The following ANKRD17 variants were observed in gnomAD, a reference collection of about 807,000 sequenced individuals.
ANKRD17 encodes ankyrin repeat domain 17.
A neutral mutation model predicts 229.7 loss-of-function variants in ANKRD17; 19 were observed. That is an observed-to-expected ratio of 0.08 (90% confidence interval 0.06 to 0.12). The LOEUF is 0.12. Among genes scored for constraint, ANKRD17 ranks in the 10% least tolerant of loss-of-function variants. ANKRD17 has a pLI of 1.00. For synonymous variants in ANKRD17, 1,112 were observed against 1,146.1 expected, an observed-to-expected ratio of 0.97 and a Z score of 0.60; for missense variants, 2,176 against 3,176.8, an observed-to-expected ratio of 0.68 and a Z score of 7.57.
chr4:73,091,095 A>T lies in ANKRD17; in HGVS notation c.6533T>A (p.Ile2178Asn). ...AGTTGTGCCATGAGGGGGTGGTCTA[A>T]TAGCAGGGGTTTCCATTTTAGGAGT... Reference protein sequence around the residue: ...QPTPKMETPAIRPPPHGTTAP... With the variant: ...QPTPKMETPANRPPPHGTTAP... The change falls in exon 29 of 34, where the codon ATT becomes AAT. Residue 2178 changes from isoleucine to asparagine, a missense_variant. Ile to Asn is a moderately radical substitution (Grantham distance 149). Around this residue, in one of 18 missense-constraint regions of ANKRD17, gnomAD observed 424 missense variants for 454.0 expected, o/e 0.93. Transcript: ENST00000358602. The T allele has an allele frequency of 6.2e-7, 1 of 1,614,212 alleles. No homozygotes were observed. Among genetic ancestry groups the T allele is most frequent in the Non-Finnish European group, 8.5e-7 (1 of 1,180,042 alleles).
intron 14 of ANKRD17, 82 bp downstream of exon 14, chr4:73,141,655 CTTTG>C (rs1467610474): frequency 4.6e-6 from 6 of 1,310,974 alleles, no homozygotes; most frequent in Middle Eastern, 1.8e-4. Context: ...TAGTAAACTT[CTTTG>C]TTTGTAGAAA....
intron 1 of ANKRD17, among the ~76,000 whole-genome samples, chr4:73,226,401 T>G (rs1466235475): frequency 7.1e-6 from 1 of 140,058 alleles, no homozygotes; most frequent in Non-Finnish European, 1.6e-5. Context: ...TTTTTTTTTT[T>G]TTTTTTTTTT....
At chr4:73,212,919 C>T (rs1324614674) in intron 1 of ANKRD17, among the ~76,000 whole-genome samples, 2 of 149,746 alleles carry the variant, frequency 1.3e-5, no homozygotes, top group African/African-American at 2.5e-5. Context: ...TCCAGCTACT[C>T]GGGAGGCGGA....
intron 7 of ANKRD17, 61 bp from the exon 8 acceptor site, chr4:73,149,111 G>C: frequency 2.2e-6 from 3 of 1,387,122 alleles, no homozygotes; most frequent in Non-Finnish European, 3.0e-6. Flanking sequence ...TGAAAAATTT[G>C]AAGACTTCTC....
chr4:73,148,552 C>T (rs1319090559), intron 8 of ANKRD17, among the ~76,000 whole-genome samples: 1 of 152,158 alleles, frequency 6.6e-6, no homozygotes. Context: ...CTATTTAACT[C>T]ACAAGCCTTG....
chr4:73,253,570 G>A (rs911578215), intron 1 of ANKRD17, among the ~76,000 whole-genome samples: 8 of 152,050 alleles, frequency 5.3e-5, no homozygotes, highest in Non-Finnish European at 7.4e-5. Context: ...TTAAAAACTC[G>A]GCCAAGGTCA....
chr4:73,257,893 T>C (rs1397743169), intron 1 of ANKRD17, among the ~76,000 whole-genome samples: 1 of 152,034 alleles, frequency 6.6e-6, no homozygotes, highest in Non-Finnish European at 1.5e-5. Flanking sequence ...ACCCATTATT[T>C]TACTCCTCCC....
chr4:73,151,988 C>G (rs1311457152), intron 6 of ANKRD17, among the ~76,000 whole-genome samples: 3 of 151,998 alleles, frequency 2.0e-5, no homozygotes, highest in African/African-American at 7.2e-5. Context: ...AAACTGGGAA[C>G]TGTATGTATA....
In ANKRD17 at chr4:73,091,298, T is replaced by G; in HGVS notation, c.6330A>C (p.Gln2110His). The G allele has an allele frequency of 6.2e-7, 1 of 1,613,898 alleles. No individual in the cohort carries two copies. The highest frequency in any genetic ancestry group is 1.1e-5 in the South Asian group (1 of 91,056). The change falls in exon 29 of 34, where the codon CAA (glutamine) becomes CAC (histidine). Residue 2110 changes from glutamine to histidine, a missense_variant. Coordinates refer to ENST00000358602, the MANE Select transcript of ANKRD17 (RefSeq NM_032217.5). ...GSSSAHSNQQ[Q>H]PPGSVSQEPR... Reference sequence around the variant, plus strand: ...GTTCCTGAGAAACAGATCCCGGAGGTTGTTGCTGATTAGAATGAGCTGATG... The same window carrying G: ...GTTCCTGAGAAACAGATCCCGGAGGGTGTTGCTGATTAGAATGAGCTGATG...
chr4:73,163,751 T>C (rs1447326500), intron 2 of ANKRD17, among the ~76,000 whole-genome samples: 2 of 152,228 alleles, frequency 1.3e-5, no homozygotes, highest in African/African-American at 4.8e-5. Context: ...CAATTAGGTT[T>C]CATACAGGTG....
chr4:73,181,005 C>T (rs553988848), intron 1 of ANKRD17, among the ~76,000 whole-genome samples: 1 of 152,236 alleles, frequency 6.6e-6, no homozygotes, highest in Admixed American at 6.5e-5. Context: ...AGGATTCAAG[C>T]AACTATTGAA....
intron 1 of ANKRD17, among the ~76,000 whole-genome samples, chr4:73,235,426 C>T (rs1202048040): frequency 6.6e-6 from 1 of 152,178 alleles, no homozygotes; most frequent in African/African-American, 2.4e-5. Flanking sequence ...TACCTCTCTC[C>T]CCACATACAC....
chr4:73,172,670 C>G (rs1713956404), intron 2 of ANKRD17, among the ~76,000 whole-genome samples: 1 of 151,948 alleles, frequency 6.6e-6, no homozygotes, highest in African/African-American at 2.4e-5. Flanking sequence ...AGCAGACAAA[C>G]TTAAGGTGTC....
At position 73,161,198 on chromosome 4, in the gene ANKRD17, G is replaced by C. The variant is rs1263570054; in HGVS notation, c.698C>G (p.Ser233Trp). The change falls in exon 3 of 34, where the codon TCG (serine) becomes TGG (tryptophan). Residue 233 changes from serine to tryptophan, a missense_variant. By Grantham distance (177) the Ser-to-Trp change is radical. This residue lies in a region of ANKRD17 where 184 missense variants were observed against 357.8 expected (regional missense o/e 0.51). Transcript: ENST00000358602. ...RAESTANAGQSDNRSLAEACS... is the reference protein window; with the variant it reads ...RAESTANAGQWDNRSLAEACS... The stretch of plus-strand genomic sequence containing the variant: ...GCAGCAAAAATGTACTTACTTGTCC[G>C]ACTGCCCTGCATTTGCTGTGCTTTC... 6.2e-6 allele frequency: 10 copies of C among 1,612,548 alleles called. No homozygotes were observed. Among genetic ancestry groups the C allele is most frequent in the Non-Finnish European group, 8.5e-6 (10 of 1,179,616 alleles).
At chr4:73,170,249 G>A (rs1291772880) in intron 2 of ANKRD17, among the ~76,000 whole-genome samples, 1 of 151,952 alleles carries the variant, frequency 6.6e-6, no homozygotes, top group African/African-American at 2.4e-5. Flanking sequence ...CAGTAGGATA[G>A]GGCACCAGTC....
At chr4:73,143,729 T>A (rs545552080) in intron 11 of ANKRD17, among the ~76,000 whole-genome samples, 15 of 152,286 alleles carry the variant, frequency 9.8e-5, no homozygotes, top group African/African-American at 3.1e-4. Flanking sequence ...CTTTTAAAAT[T>A]GTATATGGCC....
intron 30 of ANKRD17, among the ~76,000 whole-genome samples, chr4:73,081,541 GA>G (rs1375200329): frequency 2.0e-5 from 3 of 151,934 alleles, no homozygotes; most frequent in Non-Finnish European, 2.9e-5. Flanking sequence ...ACTTCAATTA[GA>G]AAAAAAGCAA....
intron 1 of ANKRD17, among the ~76,000 whole-genome samples, chr4:73,210,736 G>A (rs564294857): frequency 6.6e-6 from 1 of 151,688 alleles, no homozygotes; most frequent in African/African-American, 2.4e-5. Context: ...TCTACTACCT[G>A]GAGTATCTCC....
chr4:73,139,359 T>G (rs1729324751), intron 15 of ANKRD17, among the ~76,000 whole-genome samples, 172 bp downstream of exon 15: 1 of 152,234 alleles, frequency 6.6e-6, no homozygotes, highest in Non-Finnish European at 1.5e-5. Flanking sequence ...TAATCTTTAA[T>G]TTGACCTGTA....
Sources: gnomAD v4.1 joint callset for allele counts (sites outside exome capture counted in the v4.1 genomes callset) on GRCh38, gnomAD v4.1.1 for gene constraint, gnomAD v4.1.1 regional missense constraint, MANE v1.5 for transcripts, NCBI Gene and HGNC (gene_info 2026-07-23, HGNC 2026-07-21) for gene names.